GINS3: variants seen among roughly 807,000 people sequenced by gnomAD.
The protein encoded by GINS3 is DNA replication complex GINS protein PSF3.
Under a neutral mutation model 20.0 loss-of-function variants are expected in GINS3, and 18 were observed. The observed-to-expected ratio is 0.90, with a 90% confidence interval of 0.62 to 1.33. GINS3 has a LOEUF of 1.33. Ranked by LOEUF, GINS3 falls within the 40% of genes most tolerant of loss-of-function variation. The pLI is 0.00. For synonymous variants in GINS3, 109 were observed against 107.0 expected, an observed-to-expected ratio of 1.02 and a Z score of -0.12; for missense variants, 254 against 273.6, an observed-to-expected ratio of 0.93 and a Z score of 0.51.
At chr16:58,401,019 T>C (rs976465867) in intron 1 of GINS3, among the ~76,000 whole-genome samples, 5 of 152,086 alleles carry the variant, frequency 3.3e-5, no homozygotes, top group Non-Finnish European at 4.4e-5. Context: ...TTCACCATGT[T>C]GGTCAGGCCC....
intron 1 of GINS3, among the ~76,000 whole-genome samples, chr16:58,401,179 A>C (rs922291477): frequency 3.3e-5 from 5 of 151,920 alleles, no homozygotes; most frequent in Non-Finnish European, 7.4e-5. Context: ...TGAGTGTTAC[A>C]GTTCCTAAAG....
chr16:58,393,910 T>C (rs1965816827), intron 1 of GINS3, among the ~76,000 whole-genome samples: 2 of 151,976 alleles, frequency 1.3e-5, no homozygotes, highest in Admixed American at 1.3e-4. Flanking sequence ...CTTTTCCCAC[T>C]TCCCCCTCCA....
At position 58,406,131 on chromosome 16, in the gene GINS3, TC is replaced by T. The variant is rs1380750163; in HGVS notation, c.*1404del. 1 of 151,396 alleles carries T rather than the reference TC, an allele frequency of 6.6e-6. No homozygotes were observed. The highest frequency in any genetic ancestry group is 1.9e-4 in the East Asian group (1 of 5,170). 9.4% of individuals were successfully genotyped at this position (151,396 alleles called of 1,614,324 possible). A position where few individuals can be genotyped will look rare whatever the true frequency, so the allele number is the denominator to read the frequency against. On this transcript the variant is annotated 3_prime_UTR_variant, in exon 3 of 3. Coordinates refer to ENST00000318129, the MANE Select transcript of GINS3 (RefSeq NM_022770.4). The stretch of plus-strand genomic sequence containing the variant: ...ATCATATTTGACGGTAATACACAAA[TC>T]CATGTTTTAGCAGCTGCTCTTTTGC...
At chr16:58,402,761 T>C (rs1205167709) in intron 1 of GINS3, among the ~76,000 whole-genome samples, 1 of 152,192 alleles carries the variant, frequency 6.6e-6, no homozygotes, top group Non-Finnish European at 1.5e-5. Flanking sequence ...GAATAAATAT[T>C]GAATATTCAA....
At chr16:58,396,059 C>G in intron 1 of GINS3, among the ~76,000 whole-genome samples, 1 of 145,648 alleles carries the variant, frequency 6.9e-6, no homozygotes, top group Non-Finnish European at 1.5e-5. Flanking sequence ...CCCTCACCTC[C>G]CGGACGGGGC....
In GINS3 at chr16:58,405,941, A is replaced by G. The variant is rs1966029307; in HGVS notation, c.*1212A>G. On this transcript the variant is annotated 3_prime_UTR_variant, in exon 3 of 3. Transcript: ENST00000318129. ...TTAGGCTGTCTTGATGCAAACTTAG[A>G]ACCACAGAAATGCTTTTAAAATGCC... 2 of 152,232 alleles carry G rather than the reference A, an allele frequency of 1.3e-5. No homozygotes were observed. Among genetic ancestry groups the G allele is most frequent in the African/African-American group, 4.8e-5 (2 of 41,446 alleles). 9.4% of individuals were successfully genotyped at this position (152,232 alleles called of 1,614,324 possible).
chr16:58,399,975 C>T (rs918603829), intron 1 of GINS3, among the ~76,000 whole-genome samples: 1 of 152,132 alleles, frequency 6.6e-6, no homozygotes, highest in Admixed American at 6.5e-5. Context: ...ATTATATACC[C>T]ACTTATATAT....
intron 1 of GINS3, chr16:58,395,203 G>C (rs1965834400): frequency 2.4e-6 from 1 of 408,830 alleles, no homozygotes; most frequent in South Asian, 9.0e-5. Context: ...AGCCACCTAT[G>C]TGGCTGGTAT....
chr16:58,396,559 C>CGG (rs765567381), intron 1 of GINS3, among the ~76,000 whole-genome samples: 1 of 30,066 alleles, frequency 3.3e-5, no homozygotes, highest in Admixed American at 2.4e-4. Flanking sequence ...GCTGGTCGGG[C>CGG]GGGGGCTGAT....
At chr16:58,398,654 T>TTTTAAAATACTG (rs572591251) in intron 1 of GINS3, among the ~76,000 whole-genome samples, 1 of 152,194 alleles carries the variant, frequency 6.6e-6, no homozygotes, top group Non-Finnish European at 1.5e-5. Flanking sequence ...TAATTTTGCG[T>TTTTAAAATACTG]TTTAAAATAC....
At chr16:58,395,826 C>T (rs921558099) in intron 1 of GINS3, among the ~76,000 whole-genome samples, 3 of 152,194 alleles carry the variant, frequency 2.0e-5, no homozygotes, top group African/African-American at 4.8e-5. Flanking sequence ...CATCCTGGCC[C>T]GTTCTCAATG....
rs1966008973 is a variant in GINS3, at chr16:58,404,887, T to A, written c.*158T>A. 4 of 629,198 alleles carry A rather than the reference T, an allele frequency of 6.4e-6. No individual in the cohort carries two copies. Among genetic ancestry groups the A allele is most frequent in the African/African-American group, 1.8e-5 (1 of 54,400 alleles). The allele number at this position is 629,198 out of a possible 1,614,324, so 39.0% of individuals were successfully genotyped here. On this transcript the variant is annotated 3_prime_UTR_variant, in exon 3 of 3. Coordinates refer to ENST00000318129, the MANE Select transcript of GINS3 (RefSeq NM_022770.4). ...ATAGGGAACTGGACATGCTGGAGGATGTGGGTGTCCCTGGCTCTGTGAGTC... is the reference window on the plus strand; with the variant it reads ...ATAGGGAACTGGACATGCTGGAGGAAGTGGGTGTCCCTGGCTCTGTGAGTC...
intron 1 of GINS3, among the ~76,000 whole-genome samples, chr16:58,399,477 CT>C (rs1176253311): frequency 1.3e-5 from 2 of 151,844 alleles, no homozygotes; most frequent in Admixed American, 1.3e-4. Context: ...GTTTACATGA[CT>C]TTTTTTAATC....
chr16:58,392,875 G>C, intron 1 of GINS3, 88 bp downstream of exon 1: 1 of 1,344,416 alleles, frequency 7.4e-7, no homozygotes, highest in South Asian at 1.5e-5. Context: ...GGGGCGCGCT[G>C]CCCTTTGGGA....
At chr16:58,396,826 A>T (rs1445327803) in intron 1 of GINS3, among the ~76,000 whole-genome samples, 1 of 112,456 alleles carries the variant, frequency 8.9e-6, no homozygotes, top group Non-Finnish European at 1.8e-5. Context: ...CTCACTTCCC[A>T]GTAGGGGCGG....
Position 58,397,535 on chromosome 16 carries a change from G to A in GINS3, c.186+4748G>A, listed in dbSNP as rs559891885. 3.9e-4 allele frequency among the ~76,000 whole-genome samples: 60 copies of A among 152,260 alleles called. 2 individuals carry two copies. In the South Asian group the frequency reaches 9.5e-3, roughly 24 times the overall value. On this transcript the variant is annotated intron_variant, in intron 1 of 2. Transcript: ENST00000318129. ...GGGCACCATTGAGCACTGAGTGAACGTGACTCCGTCTGCCATCCCGGCACC... is the reference window on the plus strand; with the variant it reads ...GGGCACCATTGAGCACTGAGTGAACATGACTCCGTCTGCCATCCCGGCACC...
At chr16:58,396,313 G>T (rs1342050799) in intron 1 of GINS3, among the ~76,000 whole-genome samples, 1 of 122,408 alleles carries the variant, frequency 8.2e-6, no homozygotes, top group African/African-American at 3.3e-5. Context: ...GGGCAGAGGG[G>T]CTCCTCACTT....
chr16:58,393,360 G>GT (rs1313864463), intron 1 of GINS3, among the ~76,000 whole-genome samples: 1 of 152,168 alleles, frequency 6.6e-6, no homozygotes, highest in East Asian at 1.9e-4. Flanking sequence ...CAGGGCTTCA[G>GT]TTAGTGGTGA....
At chr16:58,398,369 A>C (rs927094348) in intron 1 of GINS3, among the ~76,000 whole-genome samples, 5 of 152,124 alleles carry the variant, frequency 3.3e-5, no homozygotes, top group African/African-American at 1.2e-4. Context: ...CAACACTGGG[A>C]GGTGGAGGCA....
Sources: gnomAD v4.1 joint callset for allele counts (sites outside exome capture counted in the v4.1 genomes callset) on GRCh38, gnomAD v4.1.1 for gene constraint, MANE v1.5 for transcripts, NCBI Gene and HGNC (gene_info 2026-07-23, HGNC 2026-07-21) for gene names.